DOK6: variants seen among roughly 807,000 people sequenced by gnomAD.
DOK6 encodes docking protein 6.
DOK6 carries 22 observed loss-of-function variants against 44.0 expected under a neutral mutation model. The ratio of observed to expected loss-of-function variants is 0.50; its 90% confidence interval spans 0.36 to 0.71. The LOEUF (loss-of-function observed/expected upper bound fraction) is 0.71. DOK6 is among the 30% of genes least tolerant of loss of function. The probability of loss-of-function intolerance (pLI) is 0.00; values close to 1 mark genes in which losing one functional copy is unlikely to be tolerated. For synonymous variants in DOK6, 166 were observed against 145.5 expected (o/e 1.14, Z -1.01); for missense variants, 340 against 416.4 (o/e 0.82, Z 1.60).
intron 3 of DOK6, among the ~76,000 whole-genome samples, chr18:69,653,906 A>AG (rs1333280375): frequency 6.6e-6 from 1 of 152,126 alleles, no homozygotes; most frequent in Non-Finnish European, 1.5e-5. Context: ...TCATTCCAGG[A>AG]GAAAAAAAAT....
At chr18:69,597,325 C>G (rs781422094) in intron 2 of DOK6, among the ~76,000 whole-genome samples, 6 of 152,172 alleles carry the variant, frequency 3.9e-5, no homozygotes, top group Non-Finnish European at 8.8e-5. Context: ...AAAGCCTCTG[C>G]AAACATTCAG....
rs151217032 is a variant in DOK6 at position 69,543,331 on chromosome 18, C to T, written c.67-21156C>T. ...TTTTAGGGAGTTTGGATACACTTCA[C>T]TCTCAGGCAGGTGAACAGAGAACAA... On this transcript the variant is annotated intron_variant, in intron 1 of 7. Coordinates refer to ENST00000382713, the MANE Select transcript of DOK6 (RefSeq NM_152721.6). Among the ~76,000 whole-genome samples the T allele has an allele frequency of 2.2e-4, 33 of 151,706 alleles. 1 individual carries two copies. The East Asian group carries it at 6.4e-3, about 29-fold the overall frequency.
intron 1 of DOK6, among the ~76,000 whole-genome samples, chr18:69,420,655 A>G (rs958653637): frequency 5.3e-5 from 8 of 152,058 alleles, no homozygotes; most frequent in Admixed American, 5.2e-4. Context: ...CAGGAAGCCC[A>G]TGAAGTTAAG....
chr18:69,602,851 T>C (rs1227378525), intron 3 of DOK6, among the ~76,000 whole-genome samples: 3 of 152,232 alleles, frequency 2.0e-5, no homozygotes, highest in East Asian at 3.8e-4. Flanking sequence ...AAGAAAATTA[T>C]ATCTTACAAA....
intron 1 of DOK6, among the ~76,000 whole-genome samples, chr18:69,522,942 A>G (rs62095321): frequency 0.11 from 17,466 of 152,120 alleles, 1,291 homozygotes; most frequent in Non-Finnish European, 0.16. Flanking sequence ...TCTGGGAGCC[A>G]GTTGTTGAGT....
intron 3 of DOK6, among the ~76,000 whole-genome samples, chr18:69,600,079 T>G (rs1248414551): frequency 6.6e-6 from 1 of 152,192 alleles, no homozygotes; most frequent in Non-Finnish European, 1.5e-5. Context: ...GTGTAATATA[T>G]TAGTTGGCTT....
At chr18:69,572,457 G>A (rs1983136407) in intron 2 of DOK6, among the ~76,000 whole-genome samples, 1 of 152,046 alleles carries the variant, frequency 6.6e-6, no homozygotes, top group South Asian at 2.1e-4. Context: ...AAACTGAAAT[G>A]TCAAGTAGTC....
intron 1 of DOK6, among the ~76,000 whole-genome samples, chr18:69,425,262 T>C (rs1165254832): frequency 4.6e-5 from 7 of 151,990 alleles, no homozygotes; most frequent in Non-Finnish European, 1.0e-4. Context: ...TATATATTTA[T>C]GTTTATATAA....
chr18:69,605,903 G>C (rs2072869333), intron 3 of DOK6, among the ~76,000 whole-genome samples: 1 of 152,156 alleles, frequency 6.6e-6, no homozygotes, highest in Non-Finnish European at 1.5e-5. Flanking sequence ...GCAAGAAAGA[G>C]AAATAAAAGA....
At chr18:69,746,631 T>G (rs1978994744) in intron 6 of DOK6, among the ~76,000 whole-genome samples, 1 of 152,218 alleles carries the variant, frequency 6.6e-6, no homozygotes, top group Non-Finnish European at 1.5e-5. Flanking sequence ...TTCAATTAAA[T>G]GACATCTAGC....
intron 1 of DOK6, among the ~76,000 whole-genome samples, chr18:69,411,174 G>T (rs1978304462): frequency 6.6e-6 from 1 of 152,160 alleles, no homozygotes; most frequent in Non-Finnish European, 1.5e-5. Context: ...TTGTTAAAAA[G>T]TTCTATGCAT....
Position 69,599,415 on chromosome 18 carries a change from C to A in DOK6, c.206C>A (p.Thr69Asn), listed in dbSNP as rs754551994. The change falls in exon 3 of 8, where the codon ACC becomes AAC. Residue 69 changes from threonine (T) to asparagine (N), a missense_variant. Transcript: ENST00000382713. ...VTELHNIKNITRLPRETKKHA... is the reference protein window; with the variant it reads ...VTELHNIKNINRLPRETKKHA... The stretch of plus-strand genomic sequence containing the variant: ...GAACTGCACAATATCAAAAATATAA[C>A]CAGACTGCCCCGAGAGACAAAGAAG... The A allele has an allele frequency of 9.9e-6, 16 of 1,613,512 alleles. No homozygotes were observed. Among genetic ancestry groups the A allele is most frequent in the Admixed American group, 1.7e-5 (1 of 59,930 alleles).
At chr18:69,756,114 G>A (rs1979344982) in intron 6 of DOK6, among the ~76,000 whole-genome samples, 1 of 152,190 alleles carries the variant, frequency 6.6e-6, no homozygotes, top group Admixed American at 6.6e-5. Flanking sequence ...TTTTACGTGG[G>A]CTTGTTTAGA....
intron 1 of DOK6, among the ~76,000 whole-genome samples, chr18:69,459,102 C>T (rs1271234984): frequency 2.9e-5 from 2 of 69,142 alleles, no homozygotes; most frequent in Admixed American, 1.3e-4. Context: ...CCCAACAACC[C>T]CCCCCCCAAA....
intron 5 of DOK6, among the ~76,000 whole-genome samples, chr18:69,708,733 G>C (rs1020606522): frequency 6.9e-6 from 1 of 144,290 alleles, no homozygotes; most frequent in African/African-American, 2.6e-5. Context: ...GCAGTGAGCC[G>C]AGATCACGCC....
intron 3 of DOK6, chr18:69,661,803 A>G (rs1228041933): frequency 1.3e-5 from 2 of 152,234 alleles, no homozygotes; most frequent in Non-Finnish European, 2.9e-5. Context: ...GAAAGCTTAC[A>G]TAATATATGT....
intron 2 of DOK6, among the ~76,000 whole-genome samples, chr18:69,581,222 C>G (rs1201769814): frequency 6.6e-6 from 1 of 152,084 alleles, no homozygotes; most frequent in South Asian, 2.1e-4. Context: ...TTCTGCCCAC[C>G]ACCAATACCC....
chr18:69,557,948 A>G (rs1428673933), intron 1 of DOK6, among the ~76,000 whole-genome samples: 2 of 152,098 alleles, frequency 1.3e-5, no homozygotes, highest in South Asian at 2.1e-4. Flanking sequence ...CTTCCCACCT[A>G]CTGCTAATGG....
intron 1 of DOK6, among the ~76,000 whole-genome samples, chr18:69,465,292 A>G (rs1979892721): frequency 6.6e-6 from 1 of 152,056 alleles, no homozygotes; most frequent in Non-Finnish European, 1.5e-5. Context: ...ATAGAACTAT[A>G]TAAAATAAAA....
Sources: gnomAD v4.1 joint callset for allele counts (sites outside exome capture counted in the v4.1 genomes callset) on GRCh38, gnomAD v4.1.1 for gene constraint, MANE v1.5 for transcripts, NCBI Gene and HGNC (gene_info 2026-07-23, HGNC 2026-07-21) for gene names.